The following TSBP1 variants were observed in gnomAD, a reference collection of about 807,000 sequenced individuals.
TSBP1 encodes the protein testis expressed basic protein 1.
In TSBP1, 56 loss-of-function variants were observed where a neutral mutation model predicts 68.8. The observed-to-expected ratio is 0.81, with a 90% CI of 0.66 to 1.02. The LOEUF (loss-of-function observed/expected upper bound fraction) is 1.02. Ranked by LOEUF, TSBP1 falls within the 50% of genes least tolerant of loss-of-function variation. The probability of loss-of-function intolerance (pLI) is 0.00; values close to 1 mark genes in which losing one functional copy is unlikely to be tolerated. For missense variants in TSBP1, 502 were observed against 641.2 expected, an observed-to-expected ratio of 0.78 and a Z score of 2.34; for synonymous variants, 171 against 208.7, an observed-to-expected ratio of 0.82 and a Z score of 1.56.
At chr6:32,370,480 G>A in intron 1 of TSBP1, among the ~76,000 whole-genome samples, 1 of 140,838 alleles carries the variant, frequency 7.1e-6, no homozygotes, top group Non-Finnish European at 1.5e-5. Context: ...ACTTTTATAG[G>A]CAATGCATAC....
At position 32,293,502 on chromosome 6, in the gene TSBP1, AGACACCAGACT is replaced by A. The variant is rs1764375023; in HGVS notation, c.1160_1170del (p.Gln387LeufsTer27). The A allele has an allele frequency of 6.8e-6, 11 of 1,608,834 alleles. No homozygotes were observed. Among genetic ancestry groups the A allele is most frequent in the Non-Finnish European group, 7.6e-6 (9 of 1,178,114 alleles). On this transcript the variant is annotated frameshift_variant, in exon 23 of 23. Coordinates refer to ENST00000612031, the Ensembl canonical transcript of TSBP1. LOFTEE classifies it low-confidence loss of function (END_TRUNC). ...TTTACCTGGGCTTCCTGTCCCTTTG[AGACACCAGACT>A]GACTCTTCTTTACTTGGGATTCCTG...
rs867426908 is a variant in TSBP1, at chr6:32,362,826, A to G, written c.217+3341T>C. On this transcript the variant is annotated intron_variant, in intron 6 of 22. Coordinates refer to ENST00000612031, the Ensembl canonical transcript of TSBP1. ...AATTGATCTTTGTGTATGGTATATG[A>G]TAAGGGCCAATTTCTTTTTGTTTTT... Among the ~76,000 whole-genome samples, 47 of 152,320 alleles carry G rather than the reference A, an allele frequency of 3.1e-4. 1 individual carries two copies. The highest frequency in any genetic ancestry group is 1.1e-3 in the African/African-American group (46 of 41,572).
At chr6:32,363,523 C>G (rs11967263) in intron 6 of TSBP1, among the ~76,000 whole-genome samples, 5,919 of 149,898 alleles carry the variant, frequency 0.039, 337 homozygotes, top group African/African-American at 0.12. Flanking sequence ...TTTTGTGTAT[C>G]TAGTATAGGT....
intron 6 of TSBP1, among the ~76,000 whole-genome samples, chr6:32,360,477 C>T (rs1034412909): frequency 6.6e-6 from 1 of 151,908 alleles, no homozygotes; most frequent in Admixed American, 6.6e-5. Flanking sequence ...TCCTCTATCC[C>T]GGGTATTGTA....
intron 19 of TSBP1, among the ~76,000 whole-genome samples, chr6:32,303,583 G>A (rs1328703606): frequency 1.3e-5 from 2 of 151,854 alleles, no homozygotes; most frequent in African/African-American, 4.8e-5. Flanking sequence ...CTTGTAGATA[G>A]GATATAGTTA....
intron 4 of TSBP1, 79 bp downstream of exon 4, chr6:32,367,846 C>A: frequency 1.9e-6 from 2 of 1,052,282 alleles, no homozygotes; most frequent in Admixed American, 2.2e-5. Flanking sequence ...ACAAATCATG[C>A]TCAAATGGAG....
At chr6:32,369,946 A>C in exon 2 of TSBP1, 1 of 1,612,500 alleles carries the variant, frequency 6.2e-7, no homozygotes, top group Non-Finnish European at 8.5e-7. Flanking sequence ...CCAGGATGGC[A>C]AGTCCCAGTA....
Position 32,316,480 on chromosome 6 carries a change from T to C in TSBP1, c.560-688A>G. 1 of 1,348,436 alleles carries C rather than the reference T, an allele frequency of 7.4e-7. No homozygotes were observed. The allele number at this position is 1,348,436 out of a possible 1,614,324, so 83.5% of individuals were successfully genotyped here. On this transcript the variant is annotated intron_variant, in intron 18 of 22. Coordinates refer to ENST00000612031, the Ensembl canonical transcript of TSBP1. This position sits in a 1 kb window ranked among gnomAD's most constrained non-coding sequence, Gnocchi z 4.5. ...GCAAGTTTCCTTCTAGGGAGAGATA[T>C]TTGTGTTGGGGAGAATCTTGGTAGT...
intron 22 of TSBP1, among the ~76,000 whole-genome samples, chr6:32,295,743 A>G (rs549138428): frequency 6.6e-6 from 1 of 152,310 alleles, no homozygotes; most frequent in Non-Finnish European, 1.5e-5. Flanking sequence ...TCCCAATGAG[A>G]TAGTACAGGA....
At chr6:32,329,763 T>C (rs1047084157) in intron 16 of TSBP1, among the ~76,000 whole-genome samples, 8 of 152,222 alleles carry the variant, frequency 5.3e-5, no homozygotes, top group African/African-American at 1.9e-4. Context: ...TATATGTGAC[T>C]TGCCCTCTGA....
intron 14 of TSBP1, among the ~76,000 whole-genome samples, chr6:32,334,722 A>G (rs1769441501): frequency 6.6e-6 from 1 of 152,202 alleles, no homozygotes; most frequent in African/African-American, 2.4e-5. Flanking sequence ...TCTGGAGAGA[A>G]CTTTTCAGGG....
At chr6:32,358,338 T>C (rs1772568695) in intron 6 of TSBP1, among the ~76,000 whole-genome samples, 1 of 152,148 alleles carries the variant, frequency 6.6e-6, no homozygotes, top group Non-Finnish European at 1.5e-5. Context: ...AACAGCAGTA[T>C]TTCTTTGCAC....
chr6:32,298,948 C>T lies in TSBP1; in HGVS notation c.637+974G>A, dbSNP rs560821929. Among the ~76,000 whole-genome samples the T allele has an allele frequency of 2.1e-4, 32 of 152,232 alleles. No homozygotes were observed. The South Asian group carries it at 5.4e-3, about 26-fold the overall frequency. On this transcript the variant is annotated intron_variant, in intron 22 of 22. Coordinates refer to ENST00000612031, the Ensembl canonical transcript of TSBP1. ...AAAAAGTCAAACATTGATTTAAATG[C>T]GGTCTTCTATTTTTAAAAGGATCCT... is the stretch of plus-strand genomic sequence containing the variant.
At chr6:32,341,978 T>C (rs967574976) in intron 9 of TSBP1, among the ~76,000 whole-genome samples, 5 of 152,012 alleles carry the variant, frequency 3.3e-5, no homozygotes, top group Admixed American at 3.3e-4. Context: ...CTGTTTTGGA[T>C]TTTTTGCCGA....
At chr6:32,301,899 A>G (rs918762656) in intron 20 of TSBP1, among the ~76,000 whole-genome samples, 9 of 150,658 alleles carry the variant, frequency 6.0e-5, no homozygotes, top group Non-Finnish European at 1.0e-4. Flanking sequence ...AGCATCTAGG[A>G]CATGCTATTT....
Position 32,333,938 on chromosome 6 carries a change from G to T in TSBP1, c.472+1499C>A. 4.2e-6 allele frequency: 1 copy of T among 239,694 alleles called. No homozygotes were observed. The highest frequency in any genetic ancestry group is 8.8e-6 in the Non-Finnish European group (1 of 113,818). 14.8% of individuals were successfully genotyped at this position (239,694 alleles called of 1,614,324 possible). On this transcript the variant is annotated intron_variant, in intron 14 of 22. Transcript: ENST00000612031. This position sits in a 1 kb window ranked among gnomAD's most constrained non-coding sequence, Gnocchi z 4.2. ...ATCTGGATACCCTTGGCTATGAGCA[G>T]TAAACCAGTTACACATTTAGATATT...
At chr6:32,364,211 T>C (rs2127656383) in intron 6 of TSBP1, among the ~76,000 whole-genome samples, 1 of 152,314 alleles carries the variant, frequency 6.6e-6, no homozygotes, top group East Asian at 1.9e-4. Flanking sequence ...TTGGGTTAAA[T>C]ACAATTGGAG....
At chr6:32,299,142 C>T (rs1386760218) in intron 22 of TSBP1, among the ~76,000 whole-genome samples, 1 of 152,026 alleles carries the variant, frequency 6.6e-6, no homozygotes, top group African/African-American at 2.4e-5. Context: ...GATAGGACAT[C>T]CTGGGTTTAA....
chr6:32,316,414 C>G lies in TSBP1; in HGVS notation c.560-622G>C. ...CTTACTTATAGGTGCTGCCAGCTGA[C>G]CTAAAAAAATTAGATATCAGTGAAG... On this transcript the variant is annotated intron_variant, in intron 18 of 22. Coordinates refer to ENST00000612031, the Ensembl canonical transcript of TSBP1. This position sits in a 1 kb window ranked among gnomAD's most constrained non-coding sequence, Gnocchi z 4.5. The G allele has an allele frequency of 1.3e-6, 2 of 1,555,988 alleles. No individual in the cohort carries two copies. The highest frequency in any genetic ancestry group is 1.7e-6 in the Non-Finnish European group (2 of 1,149,054).
Sources: allele counts gnomAD v4.1 joint callset (sites outside exome capture counted in the v4.1 genomes callset), GRCh38; gene constraint gnomAD v4.1.1; non-coding constraint Gnocchi (gnomAD v3.1); transcripts MANE v1.5; gene names NCBI Gene and HGNC (gene_info 2026-07-23, HGNC 2026-07-21).